The following BIN2 variants were observed in gnomAD, a reference collection of about 807,000 sequenced individuals.
BIN2 encodes bridging integrator 2.
Under a neutral mutation model 67.9 loss-of-function variants are expected in BIN2, and 43 were observed. That is an observed-to-expected ratio of 0.63 (90% CI 0.50 to 0.82). The LOEUF is 0.82. Among genes scored for constraint, BIN2 ranks in the 40% least tolerant of loss-of-function variants. The pLI, the probability that BIN2 is intolerant of heterozygous loss-of-function variation, is 0.00. For synonymous variants in BIN2, 244 were observed against 246.8 expected, an observed-to-expected ratio of 0.99 and a Z score of 0.11; for missense variants, 581 against 671.6, an observed-to-expected ratio of 0.87 and a Z score of 1.49.
At position 51,295,392 on chromosome 12, in the gene BIN2, CA is replaced by C. The variant is rs1178848004; in HGVS notation, c.761+403del. 3.8e-3 allele frequency among the ~76,000 whole-genome samples: 353 copies of C among 91,742 alleles called. 1 individual carries two copies. Among genetic ancestry groups the C allele is most frequent in the African/African-American group, 9.7e-3 (233 of 23,996 alleles). The allele number at this position is 91,742 out of a possible 152,430, so 60.2% of individuals were successfully genotyped here. A position where few individuals can be genotyped will look rare whatever the true frequency, so the allele number is the denominator to read the frequency against. On this transcript the variant is annotated intron_variant, in intron 9 of 12. Transcript: ENST00000615107. ...TGAAACGCCATCTCTACTAAAAATACAAAAAAAAAAAAAAAAAAAAATGAGC... is the reference window on the plus strand; with the variant it reads ...TGAAACGCCATCTCTACTAAAAATACAAAAAAAAAAAAAAAAAAAATGAGC...
At position 51,313,850 on chromosome 12, in the gene BIN2, T is replaced by A. The variant is rs1007234519; in HGVS notation, c.135A>T (p.Gln45His). 5.6e-6 allele frequency: 9 copies of A among 1,613,752 alleles called. No homozygotes were observed. The highest frequency in any genetic ancestry group is 1.3e-5 in the African/African-American group (1 of 74,876). ...GTTGTTGGTAGAAGTTGCTAGCGCT[T>A]TGTTCAAATCGTTCATCTTTGGTTT... ...AVETKDERFE[Q>H]SASNFYQQQA... Residue 45 changes from glutamine (Q) to histidine (H), a missense_variant, in exon 2 of 13, where the codon CAA (glutamine) becomes CAT (histidine). Physicochemically the swap from Gln to His is conservative, Grantham distance 24 (BLOSUM62 0). Transcript: ENST00000615107.
chr12:51,318,677 T>C (rs762325422), intron 1 of BIN2, among the ~76,000 whole-genome samples: 2 of 152,252 alleles, frequency 1.3e-5, no homozygotes, highest in African/African-American at 2.4e-5. Flanking sequence ...TTCTACTTAC[T>C]GACTGTAAGT....
At chr12:51,292,988 T>C (rs1354420886) in intron 9 of BIN2, among the ~76,000 whole-genome samples, 1 of 152,054 alleles carries the variant, frequency 6.6e-6, no homozygotes, top group African/African-American at 2.4e-5. Flanking sequence ...CAGGCATGAG[T>C]TACAATGCTG....
rs1279878256 is a variant in BIN2 at position 51,284,744 on chromosome 12, T to A, written c.1640A>T (p.Asn547Ile). 2 of 1,613,152 alleles carry A rather than the reference T, an allele frequency of 1.2e-6. No individual in the cohort carries two copies. Among genetic ancestry groups the A allele is most frequent in the African/African-American group, 2.7e-5 (2 of 74,850 alleles). Residue 547 changes from asparagine (N) to isoleucine (I), a missense_variant, in exon 12 of 13, where the codon AAC (asparagine) becomes ATC (isoleucine). Coordinates refer to ENST00000615107, the MANE Select transcript of BIN2 (RefSeq NM_016293.4). ...LQVSMVPENN[N>I]LTAPEPQEEV... ...TTCTTGAGGTTCAGGTGCTGTGAGG[T>A]TGTTGTTTTCTGGTACCATGGAGAC...
At chr12:51,284,577 C>T in intron 12 of BIN2, 139 bp downstream of exon 12, 2 of 625,210 alleles carry the variant, frequency 3.2e-6, no homozygotes, top group East Asian at 2.8e-5. Context: ...CTTGTTTCCT[C>T]TGATTCCCAC....
At chr12:51,323,816 G>A (rs993974078) in intron 1 of BIN2, among the ~76,000 whole-genome samples, 3 of 152,158 alleles carry the variant, frequency 2.0e-5, no homozygotes, top group African/African-American at 7.2e-5. Flanking sequence ...AAGATCGGGT[G>A]GCGGTCTCCG....
intron 10 of BIN2, among the ~76,000 whole-genome samples, chr12:51,290,632 C>T (rs1945355919): frequency 6.6e-6 from 1 of 151,878 alleles, no homozygotes; most frequent in Admixed American, 6.6e-5. Context: ...CGGCACCAGC[C>T]TGCCCAACTT....
upstream of BIN2, chr12:51,324,191 C>A: frequency 8.4e-6 from 13 of 1,545,486 alleles, no homozygotes; most frequent in South Asian, 1.6e-4. Flanking sequence ...TCCCGGCATG[C>A]CTCGCATCCG....
chr12:51,294,723 GCACACATAAAACAA>G (rs145380332), intron 9 of BIN2, among the ~76,000 whole-genome samples: 49,066 of 151,742 alleles, frequency 0.32, 9,872 homozygotes, highest in South Asian at 0.45. Flanking sequence ...AAACATACAT[GCACACATAAAACAA>G]CACACATAGA....
At chr12:51,295,577 A>AAAAT (rs1945533462) in intron 9 of BIN2, among the ~76,000 whole-genome samples, 19 of 29,530 alleles carry the variant, frequency 6.4e-4, no homozygotes, top group Non-Finnish European at 8.5e-4. Context: ...AAAAAAAAAA[A>AAAAT]ATATATATAT....
At chr12:51,324,501 G>C (rs1426109988), upstream of BIN2, 1 of 1,530,722 alleles carries the variant, frequency 6.5e-7, no homozygotes, top group Non-Finnish European at 8.7e-7. Context: ...TCCACTCAGC[G>C]AGAGGACCTA....
intron 2 of BIN2, among the ~76,000 whole-genome samples, chr12:51,308,011 G>A (rs1945914284): frequency 6.6e-6 from 1 of 152,070 alleles, no homozygotes. Context: ...GTGTGAGAGT[G>A]AGTGTGTGTG....
In BIN2 at chr12:51,292,268, T is replaced by A. The variant is rs373203887; in HGVS notation, c.838A>T (p.Ser280Cys). ...CTCTTCAAGGAAAGTGTAGAGGGAC[T>A]AGTAGGTGAGGTAAGAGGACTGGAG... ...TVSSPLTSPT[S>C]PSTLSLKSES... Residue 280 changes from serine to cysteine, a missense_variant, in exon 10 of 13, where the codon AGT (serine) becomes TGT (cysteine). Ser to Cys is a moderately radical substitution (Grantham distance 112). Coordinates refer to ENST00000615107, the MANE Select transcript of BIN2 (RefSeq NM_016293.4). 43 of 1,602,146 alleles carry A rather than the reference T, an allele frequency of 2.7e-5. No individual in the cohort carries two copies. The highest frequency in any genetic ancestry group is 6.7e-5 in the Admixed American group (4 of 59,974).
intron 2 of BIN2, among the ~76,000 whole-genome samples, chr12:51,305,883 GA>G (rs1945855699): frequency 7.0e-6 from 1 of 142,760 alleles, no homozygotes; most frequent in Non-Finnish European, 1.5e-5. Context: ...GCCCAGGCTG[GA>G]GTGCAGTGGC....
chr12:51,321,317 T>A (rs1396340054), intron 1 of BIN2, among the ~76,000 whole-genome samples: 2 of 152,204 alleles, frequency 1.3e-5, no homozygotes, highest in Non-Finnish European at 1.5e-5. Flanking sequence ...ACAGAGATGC[T>A]AATAACCTGC....
At chr12:51,320,305 C>CCATG (rs1242397597) in intron 1 of BIN2, among the ~76,000 whole-genome samples, 1 of 152,184 alleles carries the variant, frequency 6.6e-6, no homozygotes, top group African/African-American at 2.4e-5. Flanking sequence ...CAGGCATGAG[C>CCATG]CATGGCGCTT....
chr12:51,289,223 A>T (rs1425257171), intron 10 of BIN2, among the ~76,000 whole-genome samples: 1 of 7,256 alleles, frequency 1.4e-4, no homozygotes, highest in African/African-American at 1.7e-4. Context: ...ATGTATCTTA[A>T]AAAAAAGTCT....
At chr12:51,299,529 G>T in intron 6 of BIN2, 78 bp downstream of exon 6, 1 of 1,376,592 alleles carries the variant, frequency 7.3e-7, no homozygotes, top group Non-Finnish European at 1.0e-6. Flanking sequence ...ACCCATGTTG[G>T]CCCAGCCACC....
In BIN2 at chr12:51,283,246, C is replaced by T. The variant is rs369557953; in HGVS notation, c.1668+1470G>A. ...TACACTGTACTCCAGCCTGGGCGAC[C>T]GAGAGAGACTCCATCTCAAAAAAAA... On this transcript the variant is annotated intron_variant, in intron 12 of 12. Coordinates refer to ENST00000615107, the MANE Select transcript of BIN2 (RefSeq NM_016293.4). 9.8e-5 allele frequency among the ~76,000 whole-genome samples: 13 copies of T among 133,318 alleles called. No individual in the cohort carries two copies. In the East Asian group the frequency reaches 1.4e-3, roughly 14 times the overall value. The allele number at this position is 133,318 out of a possible 152,430, so 87.5% of individuals were successfully genotyped here. A position where few individuals can be genotyped will look rare whatever the true frequency, so the allele number is the denominator to read the frequency against.
Sources: allele counts gnomAD v4.1 joint callset (sites outside exome capture counted in the v4.1 genomes callset), GRCh38; gene constraint gnomAD v4.1.1; transcripts MANE v1.5; gene names NCBI Gene and HGNC (gene_info 2026-07-23, HGNC 2026-07-21).